GARRE1: variants seen among roughly 807,000 people sequenced by gnomAD.
GARRE1 encodes the protein granule associated Rac and RHOG effector 1, also known as granule associated Rac and RHOG effector protein 1.
GARRE1 carries 49 observed loss-of-function variants against 103.2 expected under a neutral mutation model. The ratio of observed to expected loss-of-function variants is 0.47; its 90% CI spans 0.38 to 0.60. The LOEUF (loss-of-function observed/expected upper bound fraction) is 0.60. Ranked by LOEUF, GARRE1 falls within the 20% of genes least tolerant of loss-of-function variation. GARRE1 has a pLI of 0.00. For synonymous variants in GARRE1, 505 were observed against 532.8 expected, an observed-to-expected ratio of 0.95 and a Z score of 0.72; for missense variants, 1,199 against 1,370.5, an observed-to-expected ratio of 0.87 and a Z score of 1.98.
intron 2 of GARRE1, among the ~76,000 whole-genome samples, chr19:34,301,513 C>CAAAAA (rs57777660): frequency 1.2e-5 from 1 of 85,402 alleles, no homozygotes; most frequent in Non-Finnish European, 2.2e-5. Context: ...GACCATGTCT[C>CAAAAA]AAAAAAAAAA....
chr19:34,254,725 C>G (rs1396821890), intron 1 of GARRE1, 111 bp downstream of exon 1: 3 of 147,106 alleles, frequency 2.0e-5, no homozygotes, highest in Admixed American at 6.8e-5. Flanking sequence ...GAGACGGGCC[C>G]GCGGGGCGCC....
In GARRE1 at chr19:34,353,538, A is replaced by C. The variant is rs1242451660; in HGVS notation, c.*583A>C. The C allele has an allele frequency of 6.6e-6, 1 of 152,542 alleles. No individual in the cohort carries two copies. Among genetic ancestry groups the C allele is most frequent in the African/African-American group, 2.4e-5 (1 of 41,460 alleles). 9.4% of individuals were successfully genotyped at this position (152,542 alleles called of 1,614,324 possible). A position where few individuals can be genotyped will look rare whatever the true frequency, so the allele number is the denominator to read the frequency against. ...TTTAACACTATCTATATTTAAGCTT[A>C]TACAAAATGGGCAAAATATAGAATA... On this transcript the variant is annotated 3_prime_UTR_variant, in exon 14 of 14. Coordinates refer to ENST00000299505, the MANE Select transcript of GARRE1 (RefSeq NM_014686.5).
intron 1 of GARRE1, among the ~76,000 whole-genome samples, chr19:34,283,298 T>A (rs2073866057): frequency 6.6e-6 from 1 of 152,198 alleles, no homozygotes; most frequent in African/African-American, 2.4e-5. Context: ...AAGTAGAAGT[T>A]AGTTATCAAT....
At chr19:34,343,111 T>G (rs1236731666) in intron 10 of GARRE1, among the ~76,000 whole-genome samples, 1 of 152,186 alleles carries the variant, frequency 6.6e-6, no homozygotes, top group Non-Finnish European at 1.5e-5. Context: ...GCCAATTTAT[T>G]CTAAGCTTGA....
Position 34,330,353 on chromosome 19 carries a change from T to C in GARRE1, c.1263+6T>C. On this transcript the variant is annotated splice_donor_region_variant and intron_variant, in intron 7 of 13. Coordinates refer to ENST00000299505, the MANE Select transcript of GARRE1 (RefSeq NM_014686.5). ...TGTTTGGCCAGGCTGGACTGGTGAGTGAGCGTGGGTGGTGGATGATAGGTA... is the reference window on the plus strand; with the variant it reads ...TGTTTGGCCAGGCTGGACTGGTGAGCGAGCGTGGGTGGTGGATGATAGGTA... The C allele has an allele frequency of 6.2e-7, 1 of 1,613,802 alleles. No homozygotes were observed. The highest frequency in any genetic ancestry group is 8.5e-7 in the Non-Finnish European group (1 of 1,179,862).
chr19:34,288,298 GTT>G (rs1054020980), intron 1 of GARRE1, among the ~76,000 whole-genome samples: 8 of 152,148 alleles, frequency 5.3e-5, no homozygotes, highest in African/African-American at 1.9e-4. Flanking sequence ...TGGGAAGTGT[GTT>G]TGACTAAAGT....
At chr19:34,301,319 A>T (rs1350047713) in intron 2 of GARRE1, among the ~76,000 whole-genome samples, 2 of 152,002 alleles carry the variant, frequency 1.3e-5, no homozygotes, top group African/African-American at 4.8e-5. Context: ...GATAGATTTT[A>T]AAAATTACTT....
intron 2 of GARRE1, among the ~76,000 whole-genome samples, chr19:34,313,425 C>T (rs1201665687): frequency 6.6e-6 from 1 of 152,200 alleles, no homozygotes; most frequent in Non-Finnish European, 1.5e-5. Context: ...GCCATGGTTA[C>T]ACCACTTGGA....
Position 34,254,621 on chromosome 19 carries a change from AGCGGGCGCGGCGGGCGCAGGCGGGGGCTG to A in GARRE1, c.-796+15_-796+43del, listed in dbSNP as rs1158177191. 2 of 118,194 alleles carry A rather than the reference AGCGGGCGCGGCGGGCGCAGGCGGGGGCTG, an allele frequency of 1.7e-5. No homozygotes were observed. Among genetic ancestry groups the A allele is most frequent in the Non-Finnish European group, 3.6e-5 (2 of 56,028 alleles). The allele number at this position is 118,194 out of a possible 1,614,324, so 7.3% of individuals were successfully genotyped here. A position where few individuals can be genotyped will look rare whatever the true frequency, so the allele number is the denominator to read the frequency against. On this transcript the variant is annotated splice_region_variant and intron_variant, in intron 1 of 13. Coordinates refer to ENST00000299505, the MANE Select transcript of GARRE1 (RefSeq NM_014686.5). ...GGGCCGGGGCGCGTCGCAGGTGAGGAGCGGGCGCGGCGGGCGCAGGCGGGGGCTGGCGGGCGGGGTCGGGCGGTGGGCGG... is the reference window on the plus strand; with the variant it reads ...GGGCCGGGGCGCGTCGCAGGTGAGGAGCGGGCGGGGTCGGGCGGTGGGCGG...
chr19:34,319,969 A>T lies in GARRE1; in HGVS notation c.558A>T (p.Leu186Phe). 6.2e-7 allele frequency: 1 copy of T among 1,614,242 alleles called. No homozygotes were observed. Among genetic ancestry groups the T allele is most frequent in the African/African-American group, 1.3e-5 (1 of 75,056 alleles). The change falls in exon 3 of 14, where the codon TTA becomes TTT. Residue 186 changes from leucine to phenylalanine, a missense_variant. Physicochemically the swap from Leu to Phe is conservative, Grantham distance 22. Transcript: ENST00000299505. Reference sequence around the variant, plus strand: ...ATTTCCAGTTTTTGACTCATGCGTTACAGAAGGTCCAGCCGGTGGCTCACT... The same window carrying T: ...ATTTCCAGTTTTTGACTCATGCGTTTCAGAAGGTCCAGCCGGTGGCTCACT... ...QVHFQFLTHA[L>F]QKVQPVAHSC...
intron 2 of GARRE1, among the ~76,000 whole-genome samples, chr19:34,306,319 C>T (rs572187494): frequency 6.6e-6 from 1 of 152,322 alleles, no homozygotes; most frequent in African/African-American, 2.4e-5. Flanking sequence ...AATATTTGAC[C>T]ATTTAAGAGT....
chr19:34,348,185 T>A (rs2074221512), intron 11 of GARRE1, 143 bp downstream of exon 11: 1 of 702,694 alleles, frequency 1.4e-6, no homozygotes, highest in Non-Finnish European at 2.1e-6. Flanking sequence ...TGACATGGGA[T>A]GAAATCTTTA....
intron 6 of GARRE1, among the ~76,000 whole-genome samples, chr19:34,329,488 G>A (rs1418607109): frequency 6.6e-6 from 1 of 152,160 alleles, no homozygotes; most frequent in Non-Finnish European, 1.5e-5. Flanking sequence ...CTCTGAGAGT[G>A]ATTGATGATA....
At chr19:34,286,231 A>G (rs200620471) in intron 1 of GARRE1, among the ~76,000 whole-genome samples, 4 of 138,316 alleles carry the variant, frequency 2.9e-5, no homozygotes, top group African/African-American at 1.0e-4. Flanking sequence ...TATTATTATT[A>G]TTTTTTGAGA....
chr19:34,341,399 TA>T, intron 9 of GARRE1, 22 bp from the exon 10 acceptor site: 2 of 1,564,454 alleles, frequency 1.3e-6, no homozygotes. Flanking sequence ...TTTTTTTTTT[TA>T]AACAAATTTC....
intron 1 of GARRE1, among the ~76,000 whole-genome samples, chr19:34,292,998 T>C (rs71351757): frequency 7.6e-4 from 116 of 152,292 alleles, no homozygotes; most frequent in Admixed American, 1.4e-3. Context: ...CATGAGCTAC[T>C]GAATTCGGCC....
Position 34,300,464 on chromosome 19 carries a change from C to G in GARRE1, c.-10C>G. ...CCACTTACGGTTGCTGGGACAATTC[C>G]CCCTCCCGCATGTATTGCTGCAGTG... On this transcript the variant is annotated 5_prime_UTR_variant, in exon 2 of 14. Coordinates refer to ENST00000299505, the MANE Select transcript of GARRE1 (RefSeq NM_014686.5). The G allele has an allele frequency of 2.6e-6, 4 of 1,535,990 alleles. No homozygotes were observed. The highest frequency in any genetic ancestry group is 3.5e-6 in the Non-Finnish European group (4 of 1,138,614).
At position 34,300,682 on chromosome 19, in the gene GARRE1, C is replaced by T. The variant is rs184853377; in HGVS notation, c.209C>T (p.Thr70Ile). 2 of 1,614,098 alleles carry T rather than the reference C, an allele frequency of 1.2e-6. No individual in the cohort carries two copies. Among genetic ancestry groups the T allele is most frequent in the East Asian group, 2.2e-5 (1 of 44,884 alleles). The change falls in exon 2 of 14, where the codon ACT becomes ATT. Residue 70 changes from threonine (T) to isoleucine (I), a missense_variant. Thr to Ile is a moderately conservative substitution (Grantham distance 89). Transcript: ENST00000299505. ...AGSCHHAMPH[T>I]TPIADIQQGI... ...AGCTGCCACCATGCCATGCCCCACA[C>T]TACTCCTATCGCCGACATCCAGCAG...
chr19:34,260,036 T>C (rs2073706307), intron 1 of GARRE1, among the ~76,000 whole-genome samples: 1 of 152,240 alleles, frequency 6.6e-6, no homozygotes, highest in African/African-American at 2.4e-5. Flanking sequence ...CAATTAAGCC[T>C]CTTTCCTTTA....
Sources: allele counts gnomAD v4.1 joint callset (sites outside exome capture counted in the v4.1 genomes callset), GRCh38; gene constraint gnomAD v4.1.1; transcripts MANE v1.5; gene names NCBI Gene and HGNC (gene_info 2026-07-23, HGNC 2026-07-21).